Variants in TXLNG observed in about 807,000 individuals in gnomAD.
TXLNG encodes the protein taxilin gamma.
A neutral mutation model predicts 38.8 loss-of-function variants in TXLNG; 5 were observed. The ratio of observed to expected loss-of-function variants is 0.13; its 90% CI spans 0.07 to 0.27. The LOEUF (loss-of-function observed/expected upper bound fraction) is 0.27. TXLNG is among the 10% of genes least tolerant of loss of function. The probability of loss-of-function intolerance (pLI) is 1.00; values close to 1 mark genes in which losing one functional copy is unlikely to be tolerated. For missense variants in TXLNG, 393 were observed against 398.2 expected, an observed-to-expected ratio of 0.99 and a Z score of 0.11; for synonymous variants, 182 against 158.2, an observed-to-expected ratio of 1.15 and a Z score of -1.13.
At chrX:16,824,234 C>G (rs755431911) in intron 3 of TXLNG, among the ~76,000 whole-genome samples, 1 of 111,301 alleles carries the variant, frequency 9.0e-6, no homozygotes, top group African/African-American at 3.3e-5. Context: ...GTAGTCTCAG[C>G]TACTTGGGAG....
chrX:16,818,736 A>G lies in TXLNG; in HGVS notation c.265A>G (p.Ile89Val). The change falls in exon 2 of 10, where the codon ATA (isoleucine) becomes GTA (valine). Residue 89 changes from isoleucine to valine, a missense_variant. Transcript: ENST00000380122. Reference sequence around the variant, plus strand: ...GGAAGAGGATGAAGGCAGTGACTTTATAACAGAGAACAGGAATTTGGTGAG... The same window carrying G: ...GGAAGAGGATGAAGGCAGTGACTTTGTAACAGAGAACAGGAATTTGGTGAG... ...SLEEDEGSDF[I>V]TENRNLVSPA... is the part of the protein sequence containing the mutation. 2 of 1,212,141 alleles carry G rather than the reference A, an allele frequency of 1.6e-6. No individual in the cohort carries two copies. Among genetic ancestry groups the G allele is most frequent in the Non-Finnish European group, 1.1e-6 (1 of 895,657 alleles).
At chrX:16,806,732 A>G (rs1279600089) in intron 1 of TXLNG, among the ~76,000 whole-genome samples, 1 of 110,312 alleles carries the variant, frequency 9.1e-6, no homozygotes, top group Non-Finnish European at 1.9e-5. Context: ...CCTGGTTAAC[A>G]CGGTGAAACC....
At chrX:16,836,803 C>G (rs1193981803) in intron 7 of TXLNG, among the ~76,000 whole-genome samples, 1 of 112,083 alleles carries the variant, frequency 8.9e-6, no homozygotes, top group East Asian at 2.8e-4. Context: ...CTCTGGGTCT[C>G]TCTCTGTTCC....
chrX:16,786,574 C>T lies in TXLNG; in HGVS notation c.87C>T (p.Arg29=). 1 of 1,068,905 alleles carries T rather than the reference C, an allele frequency of 9.4e-7. No individual in the cohort carries two copies. Among genetic ancestry groups the T allele is most frequent in the Non-Finnish European group, 1.2e-6 (1 of 830,475 alleles). 88.1% of individuals were successfully genotyped at this position (1,068,905 alleles called of 1,213,427 possible). ...AGGCCGGACGGGGCGGACGGCGACG[C>T]AGCCCGCGGCAGAAGGTCAGTCAGG... is the stretch of plus-strand genomic sequence containing the variant. ...ATEAGRGGRR[R]SPRQKFEIGT... The change falls in exon 1 of 10, where the codon CGC becomes CGT. Residue 29 remains arginine (R), a synonymous_variant. Coordinates refer to ENST00000380122, the MANE Select transcript of TXLNG (RefSeq NM_018360.3).
At chrX:16,819,587 G>A (rs1399208244) in intron 2 of TXLNG, among the ~76,000 whole-genome samples, 1 of 111,964 alleles carries the variant, frequency 8.9e-6, no homozygotes, top group East Asian at 2.8e-4. Context: ...AGTCCTTACA[G>A]TATTGCTAAG....
intron 7 of TXLNG, 107 bp from the exon 8 acceptor site, chrX:16,837,486 G>A (rs1602401310): frequency 3.9e-6 from 2 of 508,497 alleles, no homozygotes; most frequent in Non-Finnish European, 6.3e-6. Flanking sequence ...GCATTTGTTC[G>A]TATTTCTATC....
chrX:16,840,971 C>T (rs1929784718), intron 9 of TXLNG, among the ~76,000 whole-genome samples: 1 of 111,209 alleles, frequency 9.0e-6, no homozygotes, highest in South Asian at 3.8e-4. Context: ...CCAAGGCGGG[C>T]AGATCACGAG....
intron 1 of TXLNG, among the ~76,000 whole-genome samples, chrX:16,816,956 A>G (rs376211433): frequency 8.9e-6 from 1 of 112,106 alleles, no homozygotes. Context: ...CAAGCACCCC[A>G]GGAGGCCCCA....
intron 1 of TXLNG, among the ~76,000 whole-genome samples, chrX:16,795,555 C>T (rs529878388): frequency 1.8e-5 from 2 of 111,794 alleles, no homozygotes; most frequent in African/African-American, 6.5e-5. Context: ...CTTAGTTTAG[C>T]ACTAGTCTGC....
chrX:16,840,507 C>G (rs1173966656), intron 9 of TXLNG: 1 of 736,341 alleles, frequency 1.4e-6, no homozygotes, highest in Non-Finnish European at 1.6e-6. Context: ...GGCACAGTGG[C>G]TCACGCCTGT....
intron 3 of TXLNG, among the ~76,000 whole-genome samples, chrX:16,822,331 ACT>A (rs1253180138): frequency 1.8e-5 from 2 of 108,222 alleles, no homozygotes; most frequent in Non-Finnish European, 1.9e-5. Context: ...ACAGAGTGAG[ACT>A]CTGACTCAAA....
At position 16,843,370 on chromosome X, in the gene TXLNG, T is replaced by TATCA. The variant is rs1198818311; in HGVS notation, c.*1605_*1608dup. Reference sequence around the variant, plus strand: ...AGGAGGGTTGTATCTAAGCCTCCACTATCAGTCATGTTAATTCAAGGGGCC... The same window carrying TATCA: ...AGGAGGGTTGTATCTAAGCCTCCACTATCAATCAGTCATGTTAATTCAAGGGGCC... On this transcript the variant is annotated 3_prime_UTR_variant, in exon 10 of 10. Transcript: ENST00000380122. 6 of 110,255 alleles carry TATCA rather than the reference T, an allele frequency of 5.4e-5. No homozygotes were observed. The highest frequency in any genetic ancestry group is 2.0e-4 in the African/African-American group (6 of 30,197). 9.1% of individuals were successfully genotyped at this position (110,255 alleles called of 1,213,427 possible).
chrX:16,801,153 C>G (rs1313668172), intron 1 of TXLNG, among the ~76,000 whole-genome samples: 2 of 112,083 alleles, frequency 1.8e-5, no homozygotes, highest in African/African-American at 3.2e-5. Context: ...AGTTAAGCCT[C>G]TTTTCTTATA....
intron 3 of TXLNG, among the ~76,000 whole-genome samples, chrX:16,821,860 G>T (rs1008116888): frequency 9.2e-6 from 1 of 108,109 alleles, no homozygotes; most frequent in Non-Finnish European, 1.9e-5. Flanking sequence ...CTGGCATGGT[G>T]GCAGGCGCCT....
chrX:16,829,949 G>A (rs772726743), intron 5 of TXLNG, among the ~76,000 whole-genome samples, 179 bp downstream of exon 5: 19 of 110,198 alleles, frequency 1.7e-4, no homozygotes, highest in Non-Finnish European at 3.2e-4. Context: ...GATGTCCCAG[G>A]AGTCACTGGG....
At chrX:16,802,636 C>A (rs868695311) in intron 1 of TXLNG, among the ~76,000 whole-genome samples, 7 of 111,020 alleles carry the variant, frequency 6.3e-5, no homozygotes, top group African/African-American at 2.3e-4. Flanking sequence ...GGTATGACCT[C>A]CTGCTGTGTT....
At chrX:16,834,020 ACT>A (rs1442139471) in intron 6 of TXLNG, among the ~76,000 whole-genome samples, 3 of 111,814 alleles carry the variant, frequency 2.7e-5, no homozygotes, top group African/African-American at 6.5e-5. Flanking sequence ...CAACAATTTA[ACT>A]CTGAGTTTTA....
intron 3 of TXLNG, 69 bp downstream of exon 3, chrX:16,820,324 T>C: frequency 1.2e-6 from 1 of 846,947 alleles, no homozygotes; most frequent in Admixed American, 2.9e-5. Context: ...TTGATAAGTT[T>C]CTTAAAGTAC....
Position 16,832,608 on chromosome X carries a change from C to G in TXLNG, c.865-15C>G, listed in dbSNP as rs1929451125. 2 of 1,209,348 alleles carry G rather than the reference C, an allele frequency of 1.7e-6. No homozygotes were observed. The highest frequency in any genetic ancestry group is 3.5e-5 in the African/African-American group (2 of 57,169). On this transcript the variant is annotated splice_polypyrimidine_tract_variant and intron_variant, in intron 5 of 9. Coordinates refer to ENST00000380122, the MANE Select transcript of TXLNG (RefSeq NM_018360.3). ...TCTTTGGTGAGTGATGGAAGAAACT[C>G]TCCTTTTCCCATAGCACATTGATAA...
Sources: allele counts gnomAD v4.1 joint callset (sites outside exome capture counted in the v4.1 genomes callset), GRCh38; gene constraint gnomAD v4.1.1; transcripts MANE v1.5; gene names NCBI Gene and HGNC (gene_info 2026-07-23, HGNC 2026-07-21).